TRPM3: variants seen among roughly 807,000 people sequenced by gnomAD.
TRPM3 encodes transient receptor potential cation channel subfamily M member 3, also known as long transient receptor potential channel 3.
TRPM3 carries 77 observed loss-of-function variants against 181.2 expected under a neutral mutation model. The ratio of observed to expected loss-of-function variants is 0.42; its 90% CI spans 0.35 to 0.51. TRPM3 has a LOEUF of 0.51. Ranked by LOEUF, TRPM3 falls within the 20% of genes least tolerant of loss-of-function variation. The pLI, the probability that TRPM3 is intolerant of heterozygous loss-of-function variation, is 0.01. For missense variants in TRPM3, 1,759 were observed against 2,196.7 expected (o/e 0.80, Z 3.98); for synonymous variants, 745 against 796.4 (o/e 0.94, Z 1.09).
At chr9:71,099,913 C>T (rs2068021479) in intron 1 of TRPM3, among the ~76,000 whole-genome samples, 1 of 151,962 alleles carries the variant, frequency 6.6e-6, no homozygotes, top group African/African-American at 2.4e-5. Flanking sequence ...CAGTGTAACC[C>T]CAATGACTAT....
At chr9:70,574,988 C>G (rs999141801) in intron 22 of TRPM3, among the ~76,000 whole-genome samples, 1 of 151,224 alleles carries the variant, frequency 6.6e-6, no homozygotes, top group African/African-American at 2.4e-5. Flanking sequence ...GTCACCCAGG[C>G]TGGAGTACAG....
Position 70,619,087 on chromosome 9 carries a change from C to G in TRPM3, c.2138G>C (p.Gly713Ala). The change falls in exon 17 of 26, where the codon GGC becomes GCC. Residue 713 changes from glycine (G) to alanine (A), a missense_variant. Transcript: ENST00000677713. ...QELNHNSRDF[G>A]QLAVELLDQS... ...GTCCAGGAGCTCCACAGCCAGCTGG[C>G]CAAAGTCTCTGAAAGACAGAATGGG... The G allele has an allele frequency of 6.2e-7, 1 of 1,612,642 alleles. No individual in the cohort carries two copies. Among genetic ancestry groups the G allele is most frequent in the Non-Finnish European group, 8.5e-7 (1 of 1,179,332 alleles).
intron 1 of TRPM3, chr9:70,917,629 C>A: frequency 2.3e-6 from 1 of 427,648 alleles, no homozygotes; most frequent in Non-Finnish European, 4.3e-6. Flanking sequence ...AGCCTCAAAT[C>A]CAAAACAGAG....
At chr9:70,782,825 G>A (rs909494954) in intron 7 of TRPM3, among the ~76,000 whole-genome samples, 1 of 152,010 alleles carries the variant, frequency 6.6e-6, no homozygotes, top group Non-Finnish European at 1.5e-5. Context: ...GGTTTGCAGT[G>A]TTAAGCTGGA....
intron 1 of TRPM3, among the ~76,000 whole-genome samples, chr9:71,371,005 A>G (rs1079809): frequency 0.026 from 3,937 of 152,192 alleles, 104 homozygotes; most frequent in African/African-American, 0.064. Context: ...GGGTGGCAGT[A>G]CATCTGTTTA....
intron 1 of TRPM3, among the ~76,000 whole-genome samples, chr9:70,884,937 T>TA (rs942666667): frequency 2.0e-5 from 3 of 152,170 alleles, no homozygotes; most frequent in Admixed American, 6.5e-5. Context: ...AACTTGTTTA[T>TA]AAAAATCACA....
At chr9:70,698,545 C>T (rs756192238) in intron 8 of TRPM3, among the ~76,000 whole-genome samples, 5 of 152,110 alleles carry the variant, frequency 3.3e-5, no homozygotes, top group African/African-American at 7.2e-5. Context: ...ACAGTAAAAG[C>T]GGGTGAGTTT....
rs539298816 is a variant in TRPM3 at position 70,952,098 on chromosome 9, C to T, written c.178-87587G>A. 4.7e-4 allele frequency among the ~76,000 whole-genome samples: 71 copies of T among 152,318 alleles called. 1 individual carries two copies. Among genetic ancestry groups the T allele is most frequent in the Non-Finnish European group, 5.4e-4 (37 of 68,022 alleles). Reference sequence around the variant, plus strand: ...ATTCTCCTAACCATAAATGAACCCACATTTCTGCCCTAAAAAGATCTGCTC... The same window carrying T: ...ATTCTCCTAACCATAAATGAACCCATATTTCTGCCCTAAAAAGATCTGCTC... On this transcript the variant is annotated intron_variant, in intron 1 of 25. Coordinates refer to ENST00000677713, the MANE Select transcript of TRPM3 (RefSeq NM_001366145.2).
chr9:70,947,311 G>T (rs1369452486), intron 1 of TRPM3, among the ~76,000 whole-genome samples: 1 of 152,172 alleles, frequency 6.6e-6, no homozygotes, highest in African/African-American at 2.4e-5. Flanking sequence ...ATACTTGGAT[G>T]TCTTCTTCTG....
At chr9:71,364,765 C>T (rs976097114) in intron 1 of TRPM3, among the ~76,000 whole-genome samples, 1 of 152,080 alleles carries the variant, frequency 6.6e-6, no homozygotes, top group South Asian at 2.1e-4. Flanking sequence ...GGAAGTGACC[C>T]AGGGCACTGA....
chr9:70,784,173 A>C lies in TRPM3; in HGVS notation c.1080T>G (p.Val360=), dbSNP rs1564270996. 2.5e-6 allele frequency: 4 copies of C among 1,613,864 alleles called. No individual in the cohort carries two copies. In the Middle Eastern group the frequency reaches 5.0e-4, roughly 200 times the overall value. ...ATGCCCGTCCACTCCCATCACAGAC[A>C]ACCACTGGCACGGGAGGGGTGTCTC... ...YLRDTPPVPV[V]VCDGSGRASD... Residue 360 remains valine (V), a synonymous_variant, in exon 7 of 26, where the codon GTT becomes GTG. Transcript: ENST00000677713.
Position 71,053,577 on chromosome 9 carries a change from A to G in TRPM3, c.177+67601T>C, listed in dbSNP as rs962225760. ...ATGCCACCTAAAATTCCACTGCCCA[A>G]TTTTGACAATTGTGTTATTTTTCAG... On this transcript the variant is annotated intron_variant, in intron 1 of 25. Transcript: ENST00000677713. Among the ~76,000 whole-genome samples the G allele has an allele frequency of 3.3e-5, 5 of 152,090 alleles. No individual in the cohort carries two copies. In the East Asian group the frequency reaches 5.8e-4, roughly 18 times the overall value.
At chr9:71,182,167 C>T (rs547227972) in intron 1 of TRPM3, among the ~76,000 whole-genome samples, 39 of 151,972 alleles carry the variant, frequency 2.6e-4, no homozygotes, top group African/African-American at 9.4e-4. Context: ...CATTTTTTTT[C>T]TCAAACATGT....
At chr9:71,298,155 G>C (rs551343789) in intron 1 of TRPM3, among the ~76,000 whole-genome samples, 65 of 152,138 alleles carry the variant, frequency 4.3e-4, no homozygotes, top group African/African-American at 1.6e-3. Flanking sequence ...TTTACTGCAG[G>C]ATATCTTAAG....
chr9:70,960,090 A>G (rs1041026311), intron 1 of TRPM3, among the ~76,000 whole-genome samples: 1 of 149,632 alleles, frequency 6.7e-6, no homozygotes, highest in African/African-American at 2.5e-5. Context: ...CTCTTAGTCC[A>G]TTGCAAGTCT....
intron 1 of TRPM3, among the ~76,000 whole-genome samples, chr9:71,351,334 G>A (rs1165373482): frequency 2.0e-5 from 3 of 152,236 alleles, no homozygotes; most frequent in South Asian, 2.1e-4. Context: ...TTGGATTCAC[G>A]TGAACAAATT....
intron 1 of TRPM3, among the ~76,000 whole-genome samples, chr9:71,111,070 T>C (rs936638650): frequency 3.3e-5 from 5 of 152,194 alleles, no homozygotes; most frequent in African/African-American, 1.2e-4. Context: ...TGCTCTGCTT[T>C]TGATTTAAAA....
chr9:70,796,775 T>C (rs1161536037), intron 6 of TRPM3, among the ~76,000 whole-genome samples: 2 of 152,330 alleles, frequency 1.3e-5, no homozygotes, highest in East Asian at 3.9e-4. Flanking sequence ...ATTTCTGTAT[T>C]ACCAACATAT....
At chr9:71,028,295 C>T (rs965255631) in intron 1 of TRPM3, among the ~76,000 whole-genome samples, 2 of 151,898 alleles carry the variant, frequency 1.3e-5, no homozygotes, top group African/African-American at 4.8e-5. Context: ...CCAGACTTGC[C>T]GTATAAGAGC....
Sources: gnomAD v4.1 joint callset for allele counts (sites outside exome capture counted in the v4.1 genomes callset) on GRCh38, gnomAD v4.1.1 for gene constraint, MANE v1.5 for transcripts, NCBI Gene and HGNC (gene_info 2026-07-23, HGNC 2026-07-21) for gene names.